IL26: variants seen among roughly 807,000 people sequenced by gnomAD.
IL26 encodes interleukin-26.
A neutral mutation model predicts 21.7 loss-of-function variants in IL26; 23 were observed. The ratio of observed to expected loss-of-function variants is 1.06; its 90% CI spans 0.76 to 1.50. The LOEUF is 1.50. Ranked by LOEUF, IL26 falls within the 40% of genes most tolerant of loss-of-function variation. The probability of loss-of-function intolerance (pLI) is 0.00; values close to 1 mark genes in which losing one functional copy is unlikely to be tolerated. For missense variants in IL26, 204 were observed against 196.0 expected (o/e 1.04, Z -0.24); for synonymous variants, 63 against 67.8 (o/e 0.93, Z 0.34).
At chr12:68,203,654 T>A (rs1326855285) in intron 3 of IL26, among the ~76,000 whole-genome samples, 1 of 152,212 alleles carries the variant, frequency 6.6e-6, no homozygotes, top group Non-Finnish European at 1.5e-5. Context: ...TGAAAGTGGC[T>A]AAATGATAAC....
chr12:68,225,405 A>G (rs1421013221), intron 2 of IL26, 39 bp downstream of exon 2: 2 of 1,531,326 alleles, frequency 1.3e-6, no homozygotes, highest in Admixed American at 1.8e-5. Flanking sequence ...AACATCAAAT[A>G]AGTGGAAATG....
chr12:68,221,444 A>G (rs763392018), intron 3 of IL26, among the ~76,000 whole-genome samples: 1 of 152,232 alleles, frequency 6.6e-6, no homozygotes, highest in Non-Finnish European at 1.5e-5. Context: ...GTAATGAGTG[A>G]CACAATGTTG....
chr12:68,203,540 T>A (rs1868446677), intron 3 of IL26, among the ~76,000 whole-genome samples: 2 of 152,198 alleles, frequency 1.3e-5, no homozygotes, highest in African/African-American at 2.4e-5. Flanking sequence ...GAGTTAAAAC[T>A]CGTGAAACGG....
intron 3 of IL26, among the ~76,000 whole-genome samples, chr12:68,207,107 G>A (rs1423265708): frequency 1.3e-5 from 2 of 152,196 alleles, no homozygotes; most frequent in African/African-American, 4.8e-5. Flanking sequence ...TTTTAAAAAG[G>A]TGTTTCTGGA....
chr12:68,225,408 TG>T (rs1477250572), intron 2 of IL26, 35 bp downstream of exon 2: 1 of 1,533,918 alleles, frequency 6.5e-7, no homozygotes, highest in South Asian at 1.2e-5. Flanking sequence ...ATCAAATAAG[TG>T]GAAATGTAAA....
chr12:68,201,940 A>T lies in IL26; in HGVS notation c.430-9T>A. 6.3e-7 allele frequency: 1 copy of T among 1,587,540 alleles called. No individual in the cohort carries two copies. The highest frequency in any genetic ancestry group is 8.6e-7 in the Non-Finnish European group (1 of 1,166,194). Reference sequence around the variant, plus strand: ...ATTCCTTTGTTTCCAATCTGCAGATAAAGTACAGATATAAGAGAATAAATT... The same window carrying T: ...ATTCCTTTGTTTCCAATCTGCAGATTAAGTACAGATATAAGAGAATAAATT... On this transcript the variant is annotated splice_polypyrimidine_tract_variant and intron_variant, in intron 4 of 4. Coordinates refer to ENST00000229134, the MANE Select transcript of IL26 (RefSeq NM_018402.2).
At chr12:68,203,591 C>T (rs555652113) in intron 3 of IL26, among the ~76,000 whole-genome samples, 102 of 152,250 alleles carry the variant, frequency 6.7e-4, no homozygotes, top group African/African-American at 2.3e-3. Flanking sequence ...AATGTCCTCT[C>T]GACAAAAGAA....
At chr12:68,215,030 A>G (rs1868836551) in intron 3 of IL26, among the ~76,000 whole-genome samples, 1 of 152,070 alleles carries the variant, frequency 6.6e-6, no homozygotes, top group African/African-American at 2.4e-5. Context: ...TGTGGTTACC[A>G]CGAGGCTTAC....
At chr12:68,204,146 T>TTC in intron 3 of IL26, among the ~76,000 whole-genome samples, 1 of 146,266 alleles carries the variant, frequency 6.8e-6, no homozygotes, top group Non-Finnish European at 1.5e-5. Flanking sequence ...CAAAGATTTT[T>TTC]TTTTTTTTTT....
At chr12:68,224,048 CT>C (rs71436056) in intron 3 of IL26, among the ~76,000 whole-genome samples, 38 of 146,886 alleles carry the variant, frequency 2.6e-4, no homozygotes, top group Non-Finnish European at 4.2e-4. Context: ...CACCCCCCCC[CT>C]CTAATGGCCC....
At chr12:68,203,441 G>T (rs914514583) in intron 3 of IL26, among the ~76,000 whole-genome samples, 1 of 152,194 alleles carries the variant, frequency 6.6e-6, no homozygotes, top group Non-Finnish European at 1.5e-5. Flanking sequence ...GGAGACCAAG[G>T]CCCAGGTAGT....
chr12:68,216,432 A>G (rs1289303981), intron 3 of IL26, among the ~76,000 whole-genome samples: 1 of 152,244 alleles, frequency 6.6e-6, no homozygotes, highest in Non-Finnish European at 1.5e-5. Context: ...AATAAAAATT[A>G]ATGTTCTGTG....
At chr12:68,222,670 G>A (rs1453488254) in intron 3 of IL26, among the ~76,000 whole-genome samples, 1 of 152,146 alleles carries the variant, frequency 6.6e-6, no homozygotes, top group East Asian at 1.9e-4. Flanking sequence ...AGCTCAGAGC[G>A]TGCAGAACGG....
At chr12:68,208,637 G>A (rs1868614771) in intron 3 of IL26, among the ~76,000 whole-genome samples, 1 of 152,032 alleles carries the variant, frequency 6.6e-6, no homozygotes, top group Non-Finnish European at 1.5e-5. Flanking sequence ...CAAGTAGCTG[G>A]GATTACAGGC....
At chr12:68,223,697 A>G (rs1372371932) in intron 3 of IL26, among the ~76,000 whole-genome samples, 1 of 152,172 alleles carries the variant, frequency 6.6e-6, no homozygotes, top group African/African-American at 2.4e-5. Flanking sequence ...ACAAAATTTC[A>G]GGCACCAGAA....
intron 3 of IL26, among the ~76,000 whole-genome samples, chr12:68,217,675 G>A (rs372088039): frequency 1.3e-5 from 2 of 152,030 alleles, no homozygotes; most frequent in Non-Finnish European, 2.9e-5. Flanking sequence ...TGTTATCATC[G>A]TAAAAATAAA....
chr12:68,217,937 A>G (rs7316269), intron 3 of IL26, among the ~76,000 whole-genome samples: 2,029 of 152,284 alleles, frequency 0.013, 61 homozygotes, highest in African/African-American at 0.047. Context: ...GAAAAGAAGA[A>G]AGGAAAGCAA....
chr12:68,202,983 A>AG (rs745992834), intron 3 of IL26, among the ~76,000 whole-genome samples: 4 of 152,230 alleles, frequency 2.6e-5, no homozygotes, highest in Non-Finnish European at 4.4e-5. Flanking sequence ...GGAAGCATGA[A>AG]GGACATGAGA....
chr12:68,221,331 G>C (rs915680310), intron 3 of IL26, among the ~76,000 whole-genome samples: 1 of 152,116 alleles, frequency 6.6e-6, no homozygotes, highest in South Asian at 2.1e-4. Flanking sequence ...GGAAGGAAAA[G>C]GAAGGAAAGC....
Sources: gnomAD v4.1 joint callset for allele counts (sites outside exome capture counted in the v4.1 genomes callset) on GRCh38, gnomAD v4.1.1 for gene constraint, MANE v1.5 for transcripts, NCBI Gene and HGNC (gene_info 2026-07-23, HGNC 2026-07-21) for gene names.